Variants in PCDHGA6 observed in about 807,000 individuals in gnomAD.
PCDHGA6 encodes protocadherin gamma subfamily A, 6.
PCDHGA6 carries 41 observed loss-of-function variants against 60.6 expected under a neutral mutation model. That is an observed-to-expected ratio of 0.68 (90% CI 0.53 to 0.88). The LOEUF (loss-of-function observed/expected upper bound fraction) is 0.88, where lower values mean the gene tolerates loss of function less well. PCDHGA6 is among the 40% of genes least tolerant of loss of function. The probability of loss-of-function intolerance (pLI) is 0.00; values close to 1 mark genes in which losing one functional copy is unlikely to be tolerated. For missense variants in PCDHGA6, 1,312 were observed against 1,203.0 expected (o/e 1.09, Z -1.34); for synonymous variants, 594 against 524.4 (o/e 1.13, Z -1.81).
chr5:141,443,217 G>A (rs1447455858), intron 1 of PCDHGA6, among the ~76,000 whole-genome samples: 8 of 151,656 alleles, frequency 5.3e-5, no homozygotes, highest in African/African-American at 2.4e-5. Flanking sequence ...CTCGCCAGGC[G>A]CATCTATAAT....
At chr5:141,404,565 G>C in intron 1 of PCDHGA6, 2 of 1,613,910 alleles carry the variant, frequency 1.2e-6, no homozygotes. Flanking sequence ...AGTGACAGTG[G>C]AAGCCCACCA....
chr5:141,393,052 G>A, intron 1 of PCDHGA6: 1 of 1,613,612 alleles, frequency 6.2e-7, no homozygotes, highest in Non-Finnish European at 8.5e-7. Flanking sequence ...CTGAACCCGC[G>A]CAGCGGCAGC....
At chr5:141,379,879 G>A (rs1158947637) in intron 1 of PCDHGA6, among the ~76,000 whole-genome samples, 1 of 102,124 alleles carries the variant, frequency 9.8e-6, no homozygotes, top group African/African-American at 3.5e-5. Context: ...TTTATGGTCT[G>A]TGAAAGCCTC....
At chr5:141,449,025 C>G (rs2154562458) in intron 1 of PCDHGA6, among the ~76,000 whole-genome samples, 1 of 152,216 alleles carries the variant, frequency 6.6e-6, no homozygotes, top group East Asian at 1.9e-4. Flanking sequence ...GCTTAGCATT[C>G]CTTTGGATTA....
At chr5:141,455,661 T>TG (rs2098828692) in intron 1 of PCDHGA6, among the ~76,000 whole-genome samples, 1 of 152,024 alleles carries the variant, frequency 6.6e-6, no homozygotes, top group South Asian at 2.1e-4. Context: ...CAGGAACTTG[T>TG]GGGGCAAGGG....
Position 141,432,123 on chromosome 5 carries a change from C to G in PCDHGA6, c.2424+55616C>G, listed in dbSNP as rs1224794803. On this transcript the variant is annotated intron_variant, in intron 1 of 3. Transcript: ENST00000517434. This position sits in a 1 kb window ranked among gnomAD's most constrained non-coding sequence, Gnocchi z 6.0. ...GACAACCCGCCGGTCTTCCCTCAGG[C>G]CTCCTATTCCGCTTATATCCCAGAG... 1 of 1,614,172 alleles carries G rather than the reference C, an allele frequency of 6.2e-7. No homozygotes were observed. Among genetic ancestry groups the G allele is most frequent in the Admixed American group, 1.7e-5 (1 of 60,022 alleles).
In PCDHGA6 at chr5:141,489,098, T is replaced by C; in HGVS notation, c.2425-5709T>C. 1 of 293,346 alleles carries C rather than the reference T, an allele frequency of 3.4e-6. No homozygotes were observed. The highest frequency in any genetic ancestry group is 5.5e-5 in the South Asian group (1 of 18,124). The allele number at this position is 293,346 out of a possible 1,614,324, so 18.2% of individuals were successfully genotyped here. A position where few individuals can be genotyped will look rare whatever the true frequency, so the allele number is the denominator to read the frequency against. ...CCCCCGCCACTCGGTGACTAAGAAC[T>C]GCTGCAAGCAGGCAAACCTCCGAGC... On this transcript the variant is annotated intron_variant, in intron 1 of 3. Transcript: ENST00000517434. The surrounding 1 kb of genome is among the most constrained non-coding windows in gnomAD (Gnocchi z 4.5).
At chr5:141,384,906 C>G (rs767972748) in intron 1 of PCDHGA6, 3 of 1,613,882 alleles carry the variant, frequency 1.9e-6, no homozygotes, top group East Asian at 4.5e-5. Flanking sequence ...ACAGCATCCC[C>G]GAAGTCTTGG....
chr5:141,436,267 T>C (rs2097805427), intron 1 of PCDHGA6, among the ~76,000 whole-genome samples: 1 of 152,198 alleles, frequency 6.6e-6, no homozygotes, highest in South Asian at 2.1e-4. Flanking sequence ...TCTGCTCACC[T>C]AACTTGATTT....
intron 1 of PCDHGA6, among the ~76,000 whole-genome samples, chr5:141,474,075 C>T (rs2099339724): frequency 6.6e-6 from 1 of 151,902 alleles, no homozygotes; most frequent in African/African-American, 2.4e-5. Flanking sequence ...GCCTCAGAAA[C>T]AAAAACCAAA....
In PCDHGA6 at chr5:141,374,296, G is replaced by A; in HGVS notation, c.213G>A (p.Arg71=). The stretch of plus-strand genomic sequence containing the variant: ...GAGTCCGCATCGTCTCCAGAGGTAG[G>A]ATGCAGCTTTTCTCTCTGAATCCGC... ...EHGVRIVSRG[R]MQLFSLNPRN... The change falls in exon 1 of 4, where the codon AGG becomes AGA. Residue 71 remains arginine (R), a synonymous_variant. Coordinates refer to ENST00000517434, the MANE Select transcript of PCDHGA6 (RefSeq NM_018919.3). 1.9e-6 allele frequency: 3 copies of A among 1,613,974 alleles called. No homozygotes were observed. The highest frequency in any genetic ancestry group is 2.5e-6 in the Non-Finnish European group (3 of 1,179,860).
intron 1 of PCDHGA6, chr5:141,415,066 C>T (rs777981621): frequency 1.4e-5 from 23 of 1,613,410 alleles, no homozygotes; most frequent in Non-Finnish European, 1.9e-5. Flanking sequence ...GGGCGAGGTG[C>T]GCACGGCGCG....
rs2099748179 is a variant in PCDHGA6 at position 141,493,421 on chromosome 5, T to G, written c.2425-1386T>G. Among the ~76,000 whole-genome samples the G allele has an allele frequency of 6.6e-6, 1 of 152,182 alleles. No individual in the cohort carries two copies. Among genetic ancestry groups the G allele is most frequent in the South Asian group, 2.1e-4 (1 of 4,830 alleles). On this transcript the variant is annotated intron_variant, in intron 1 of 3. Coordinates refer to ENST00000517434, the MANE Select transcript of PCDHGA6 (RefSeq NM_018919.3). The surrounding 1 kb of genome is among the most constrained non-coding windows in gnomAD (Gnocchi z 4.3). Reference sequence around the variant, plus strand: ...GGAGTTGCCTCTGCTGGGATTTTGCTTCTGCTGGGATGGGGCAAGGGTGGG... The same window carrying G: ...GGAGTTGCCTCTGCTGGGATTTTGCGTCTGCTGGGATGGGGCAAGGGTGGG...
intron 1 of PCDHGA6, chr5:141,413,223 G>C (rs1454395834): frequency 6.2e-7 from 1 of 1,613,694 alleles, no homozygotes; most frequent in African/African-American, 1.3e-5. Flanking sequence ...ATTGCAGCGG[G>C]CTGGTCCTGC....
At chr5:141,505,300 G>A in intron 2 of PCDHGA6, 93 bp from the exon 3 acceptor site, 1 of 1,589,042 alleles carries the variant, frequency 6.3e-7, no homozygotes, top group South Asian at 1.1e-5. Flanking sequence ...GGTAGGGTTA[G>A]GGTACTAGGT....
chr5:141,476,562 C>A lies in PCDHGA6; in HGVS notation c.2425-18245C>A. On this transcript the variant is annotated intron_variant, in intron 1 of 3. Transcript: ENST00000517434. This position sits in a 1 kb window ranked among gnomAD's most constrained non-coding sequence, Gnocchi z 7.6. ...AAATTGGAGATTAGCGAGGCCGTGG[C>A]TCCGGGGACGCGCTTTCCGCTCGAG... 1 of 1,614,218 alleles carries A rather than the reference C, an allele frequency of 6.2e-7. No homozygotes were observed. The highest frequency in any genetic ancestry group is 8.5e-7 in the Non-Finnish European group (1 of 1,180,034).
At chr5:141,416,406 T>A (rs2096021956) in intron 1 of PCDHGA6, 1 of 152,224 alleles carries the variant, frequency 6.6e-6, no homozygotes, top group Admixed American at 6.5e-5. Context: ...TTGTCTTTTT[T>A]GTTAAATTTT....
rs776348214 is a variant in PCDHGA6 at position 141,487,781 on chromosome 5, G to A, written c.2425-7026G>A. 108 of 1,526,850 alleles carry A rather than the reference G, an allele frequency of 7.1e-5. No individual in the cohort carries two copies. Among genetic ancestry groups the A allele is most frequent in the East Asian group, 3.7e-4 (15 of 40,622 alleles). 94.6% of individuals were successfully genotyped at this position (1,526,850 alleles called of 1,614,324 possible). On this transcript the variant is annotated intron_variant, in intron 1 of 3. Coordinates refer to ENST00000517434, the MANE Select transcript of PCDHGA6 (RefSeq NM_018919.3). This position sits in a 1 kb window ranked among gnomAD's most constrained non-coding sequence, Gnocchi z 5.0. ...AGACGCTGTGCTTTGTAACTGTTTC[G>A]TGAATTAACCAGAGTTGTCACAGTT... is the stretch of plus-strand genomic sequence containing the variant.
At chr5:141,450,453 C>T (rs1202828231) in intron 1 of PCDHGA6, among the ~76,000 whole-genome samples, 3 of 152,058 alleles carry the variant, frequency 2.0e-5, no homozygotes, top group East Asian at 1.9e-4. Flanking sequence ...TATGTTTCCT[C>T]GTGATTTTAT....
Sources: allele counts gnomAD v4.1 joint callset (sites outside exome capture counted in the v4.1 genomes callset), GRCh38; gene constraint gnomAD v4.1.1; non-coding constraint Gnocchi (gnomAD v3.1); transcripts MANE v1.5; gene names NCBI Gene and HGNC (gene_info 2026-07-23, HGNC 2026-07-21).